SERINC2: variants seen among roughly 807,000 people sequenced by gnomAD.
SERINC2 encodes the protein serine incorporator 2, also known as tumor differentially expressed protein 2.
In SERINC2, 56 loss-of-function variants were observed where a neutral mutation model predicts 54.2. That is an observed-to-expected ratio of 1.03 (90% CI 0.83 to 1.29). The LOEUF (loss-of-function observed/expected upper bound fraction) is 1.29. Among genes scored for constraint, SERINC2 ranks in the 50% most tolerant of loss-of-function variants. SERINC2 has a pLI of 0.00. For missense variants in SERINC2, 614 were observed against 607.4 expected (o/e 1.01, Z -0.12); for synonymous variants, 272 against 253.1 (o/e 1.07, Z -0.71).
At chr1:31,421,173 C>T (rs556872919) in intron 1 of SERINC2, among the ~76,000 whole-genome samples, 4 of 152,260 alleles carry the variant, frequency 2.6e-5, no homozygotes, top group South Asian at 2.1e-4. Flanking sequence ...ACTGTGCATG[C>T]GAGGGATCCA....
chr1:31,424,941 C>A, intron 3 of SERINC2, 68 bp downstream of exon 3: 1 of 1,368,032 alleles, frequency 7.3e-7, no homozygotes, highest in Non-Finnish European at 1.0e-6. Context: ...CTCTGCCTGT[C>A]CAGGGATCTG....
intron 1 of SERINC2, among the ~76,000 whole-genome samples, chr1:31,418,679 AGTTT>A (rs1339629587): frequency 4.1e-4 from 62 of 152,224 alleles, no homozygotes; most frequent in African/African-American, 1.3e-3. Flanking sequence ...CCAGACAGCC[AGTTT>A]GTTTTAAATA....
rs1557501327 is a variant in SERINC2, at chr1:31,432,111, T to TGGAC, written c.1014-856_1014-855insGGAC. On this transcript the variant is annotated intron_variant, in intron 8 of 9. Coordinates refer to ENST00000373709, the MANE Select transcript of SERINC2 (RefSeq NM_178865.5). Reference sequence around the variant, plus strand: ...GGGTGGACAGGGTGGACAGGGTGGATAGGGTGGTTAGGGTGGATAGGGTGG... The same window carrying TGGAC: ...GGGTGGACAGGGTGGACAGGGTGGATGGACAGGGTGGTTAGGGTGGATAGGGTGG... 1.9e-3 allele frequency among the ~76,000 whole-genome samples: 20 copies of TGGAC among 10,614 alleles called. 5 individuals are homozygous for TGGAC. The highest frequency in any genetic ancestry group is 6.8e-3 in the South Asian group (2 of 296). 7.0% of individuals were successfully genotyped at this position (10,614 alleles called of 152,430 possible). A position where few individuals can be genotyped will look rare whatever the true frequency, so the allele number is the denominator to read the frequency against.
chr1:31,421,056 A>C (rs1553132699), intron 1 of SERINC2, among the ~76,000 whole-genome samples: 1 of 152,204 alleles, frequency 6.6e-6, no homozygotes, highest in Non-Finnish European at 1.5e-5. Context: ...ACTGGGCCAC[A>C]CAGCAGGACG....
upstream of SERINC2, among the ~76,000 whole-genome samples, chr1:31,411,830 T>G (rs1274147982): frequency 6.6e-6 from 1 of 151,850 alleles, no homozygotes; most frequent in Non-Finnish European, 1.5e-5. Context: ...AGACCTCATC[T>G]CTACACAAAA....
chr1:31,416,807 G>T (rs1640791922), intron 1 of SERINC2, among the ~76,000 whole-genome samples: 1 of 152,122 alleles, frequency 6.6e-6, no homozygotes, highest in Admixed American at 6.6e-5. Context: ...TGCAACCTCT[G>T]CCTCCAGGTT....
intron 8 of SERINC2, among the ~76,000 whole-genome samples, chr1:31,432,212 G>C (rs974894478): frequency 1.3e-5 from 2 of 151,472 alleles, no homozygotes; most frequent in African/African-American, 2.4e-5. Context: ...AGAGTGGACA[G>C]GGTGGAGAGG....
intron 6 of SERINC2, 73 bp from the exon 7 acceptor site, chr1:31,428,905 C>G: frequency 9.9e-7 from 1 of 1,013,214 alleles, no homozygotes; most frequent in Non-Finnish European, 1.4e-6. Flanking sequence ...GGTCCCTTGG[C>G]TGGTGTGAGT....
At chr1:31,431,778 T>TAGGGTGGTTAGGGTGGAG (rs1557499711) in intron 8 of SERINC2, among the ~76,000 whole-genome samples, 1 of 9,916 alleles carries the variant, frequency 1.0e-4, no homozygotes, top group Non-Finnish European at 5.1e-4. Context: ...AGAGGGTGAA[T>TAGGGTGGTTAGGGTGGAG]AGGGTGGATA....
chr1:31,424,444 CA>C (rs1367435040), intron 2 of SERINC2, among the ~76,000 whole-genome samples: 2 of 152,164 alleles, frequency 1.3e-5, no homozygotes, highest in East Asian at 3.9e-4. Flanking sequence ...GGGAAATAAA[CA>C]ATAACAAGAT....
At chr1:31,432,549 G>A (rs1158631088) in intron 8 of SERINC2, among the ~76,000 whole-genome samples, 1 of 152,114 alleles carries the variant, frequency 6.6e-6, no homozygotes, top group African/African-American at 2.4e-5. Context: ...CTTAATGGAT[G>A]TAGTACCTGG....
At chr1:31,409,973 G>A (rs782546655), upstream of SERINC2, 28 of 1,028,294 alleles carry the variant, frequency 2.7e-5, no homozygotes, top group Non-Finnish European at 3.8e-5. Context: ...CTTGGGGTGG[G>A]TGGTCCAAGA....
chr1:31,429,138 G>A, intron 7 of SERINC2, 70 bp downstream of exon 7: 1 of 1,387,730 alleles, frequency 7.2e-7, no homozygotes, highest in Non-Finnish European at 1.0e-6. Flanking sequence ...CTGTGGGGCT[G>A]GGGACCCTCA....
chr1:31,420,349 G>T (rs1176022532), intron 1 of SERINC2, among the ~76,000 whole-genome samples: 1 of 152,140 alleles, frequency 6.6e-6, no homozygotes, highest in Non-Finnish European at 1.5e-5. Flanking sequence ...TGATGTTTAA[G>T]AACCAGAGCG....
chr1:31,424,992 C>T (rs1018208071), intron 3 of SERINC2, 119 bp downstream of exon 3: 27 of 742,646 alleles, frequency 3.6e-5, no homozygotes, highest in Admixed American at 5.5e-5. Flanking sequence ...GAGGGCACAG[C>T]ATGGAGAACA....
rs1641302019 is a variant in SERINC2 at position 31,432,156 on chromosome 1, C to CAGGGTGGAGAGGGTGGAG, written c.1014-803_1014-802insGAGGGTGGAGAGGGTGGA. 4.4e-4 allele frequency among the ~76,000 whole-genome samples: 2 copies of CAGGGTGGAGAGGGTGGAG among 4,560 alleles called. 1 individual carries two copies. Among genetic ancestry groups the CAGGGTGGAGAGGGTGGAG allele is most frequent in the Non-Finnish European group, 8.8e-4 (2 of 2,260 alleles). The allele number at this position is 4,560 out of a possible 152,430, so 3.0% of individuals were successfully genotyped here. A position where few individuals can be genotyped will look rare whatever the true frequency, so the allele number is the denominator to read the frequency against. ...GGGTGGACAGGGTGGACAGGGTGGACAGGGTGGATAGGGTGGATAGGGTGG... is the reference window on the plus strand; with the variant it reads ...GGGTGGACAGGGTGGACAGGGTGGACAGGGTGGAGAGGGTGGAGAGGGTGGATAGGGTGGATAGGGTGG... On this transcript the variant is annotated intron_variant, in intron 8 of 9. Transcript: ENST00000373709.
intron 9 of SERINC2, 106 bp downstream of exon 9, chr1:31,433,291 T>C: frequency 3.1e-6 from 3 of 954,562 alleles, no homozygotes; most frequent in Non-Finnish European, 4.8e-6. Context: ...GCTTAAGGCT[T>C]GGGGGTGGCG....
rs544502266 is a variant in SERINC2 at position 31,415,902 on chromosome 1, C to A, written c.39+2598C>A. 2,620 of 985,542 alleles carry A rather than the reference C, an allele frequency of 2.7e-3. 7 individuals are homozygous for A. The highest frequency in any genetic ancestry group is 5.7e-3 in the Middle Eastern group (11 of 1,914). The allele number at this position is 985,542 out of a possible 1,614,324, so 61.0% of individuals were successfully genotyped here. ...GGAACTGGGCTGAAGGTGAACTGGG[C>A]TGAAGGTGGGTCCTGCTTTGGATGG... is the stretch of plus-strand genomic sequence containing the variant. On this transcript the variant is annotated intron_variant, in intron 1 of 9. Transcript: ENST00000373709.
rs566169957 is a variant in SERINC2 at position 31,432,836 on chromosome 1, G to A, written c.1014-131G>A. 5.9e-6 allele frequency: 4 copies of A among 673,162 alleles called. No individual in the cohort carries two copies. The Admixed American group carries it at 7.4e-5, about 12-fold the overall frequency. 41.7% of individuals were successfully genotyped at this position (673,162 alleles called of 1,614,324 possible). Reference sequence around the variant, plus strand: ...GTGGGGGTAGGGGTAGAGTTGAGAGGCAAAGCAGTTTGTTAACTCCCAGGC... The same window carrying A: ...GTGGGGGTAGGGGTAGAGTTGAGAGACAAAGCAGTTTGTTAACTCCCAGGC... On this transcript the variant is annotated intron_variant, in intron 8 of 9. Coordinates refer to ENST00000373709, the MANE Select transcript of SERINC2 (RefSeq NM_178865.5).
Sources: allele counts gnomAD v4.1 joint callset (sites outside exome capture counted in the v4.1 genomes callset), GRCh38; gene constraint gnomAD v4.1.1; transcripts MANE v1.5; gene names NCBI Gene and HGNC (gene_info 2026-07-23, HGNC 2026-07-21).